The following EGFR variants were observed in gnomAD, a reference collection of about 807,000 sequenced individuals.
The protein encoded by EGFR is avian erythroblastic leukemia viral (v-erb-b) oncogene homolog.
EGFR carries 58 observed loss-of-function variants against 143.0 expected under a neutral mutation model. The observed-to-expected ratio is 0.41, with a 90% CI of 0.33 to 0.50. The LOEUF (loss-of-function observed/expected upper bound fraction) is 0.50. Among genes scored for constraint, EGFR ranks in the 20% least tolerant of loss-of-function variants. The pLI, the probability that EGFR is intolerant of heterozygous loss-of-function variation, is 0.39. For synonymous variants in EGFR, 613 were observed against 594.4 expected (o/e 1.03, Z -0.45); for missense variants, 1,307 against 1,579.0 (o/e 0.83, Z 2.92).
At chr7:55,114,907 A>G (rs1584075936) in intron 1 of EGFR, among the ~76,000 whole-genome samples, 4 of 125,520 alleles carry the variant, frequency 3.2e-5, no homozygotes, top group Admixed American at 8.8e-5. Context: ...TTTGAGATGG[A>G]GTCTCGCCCT....
At chr7:55,022,086 C>T (rs538813565) in intron 1 of EGFR, among the ~76,000 whole-genome samples, 79 of 152,266 alleles carry the variant, frequency 5.2e-4, no homozygotes, top group African/African-American at 1.9e-3. Flanking sequence ...GCGGGCTGTC[C>T]GGCAGTCTGC....
chr7:55,061,649 T>TGTGTGAGAGA (rs1432070752), intron 1 of EGFR, among the ~76,000 whole-genome samples: 11,120 of 132,156 alleles, frequency 0.084, 577 homozygotes, highest in Non-Finnish European at 0.11. Flanking sequence ...TGTGTGTGTG[T>TGTGTGAGAGA]GAGAGAGAGA....
chr7:55,137,123 T>C (rs982532033), intron 1 of EGFR, among the ~76,000 whole-genome samples: 2 of 152,130 alleles, frequency 1.3e-5, no homozygotes, highest in Non-Finnish European at 2.9e-5. Context: ...GTACTTAAGC[T>C]AATGTAGTTG....
At chr7:55,184,094 G>A (rs895852728) in intron 20 of EGFR, among the ~76,000 whole-genome samples, 3 of 152,252 alleles carry the variant, frequency 2.0e-5, no homozygotes, top group Non-Finnish European at 4.4e-5. Flanking sequence ...GTGAACGGGG[G>A]CACGTTGCTG....
At chr7:55,134,152 G>C (rs1794004823) in intron 1 of EGFR, among the ~76,000 whole-genome samples, 1 of 152,100 alleles carries the variant, frequency 6.6e-6, no homozygotes, top group African/African-American at 2.4e-5. Context: ...GCCCACCCCA[G>C]CCACACACAG....
intron 1 of EGFR, among the ~76,000 whole-genome samples, chr7:55,083,964 T>G: frequency 6.6e-6 from 1 of 152,114 alleles, no homozygotes; most frequent in East Asian, 1.9e-4. Flanking sequence ...CAGACCCAAA[T>G]GAATGGAACA....
chr7:55,025,108 C>A (rs1786806114), intron 1 of EGFR, among the ~76,000 whole-genome samples: 2 of 152,212 alleles, frequency 1.3e-5, no homozygotes, highest in Non-Finnish European at 2.9e-5. Flanking sequence ...CTACAGTTCA[C>A]AGAGAGCTCC....
chr7:55,021,011 C>T (rs1455524063), intron 1 of EGFR, among the ~76,000 whole-genome samples: 28 of 152,022 alleles, frequency 1.8e-4, no homozygotes, highest in Admixed American at 1.8e-3. Flanking sequence ...ATCTGTTGGG[C>T]AGCCAGATTT....
At chr7:55,155,373 C>T (rs17336660) in intron 7 of EGFR, among the ~76,000 whole-genome samples, 1,751 of 152,276 alleles carry the variant, frequency 0.011, 36 homozygotes, top group African/African-American at 0.04. Flanking sequence ...ACCCAGGAGG[C>T]GGAGGTTGCA....
In EGFR at chr7:55,200,329, C is replaced by T. The variant is rs397517138; in HGVS notation, c.2862C>T (p.Asp954=). The stretch of plus-strand genomic sequence containing the variant: ...TTCCTTCCCCAGGCTGGATGATAGA[C>T]GCAGATAGTCGCCCAAAGTTCCGTG... The part of the protein sequence containing the change: ...YMIMVKCWMI[D]ADSRPKFREL... Residue 954 remains aspartate (D), a synonymous_variant, in exon 24 of 28, where the codon GAC becomes GAT. Transcript: ENST00000275493. The T allele has an allele frequency of 1.7e-5, 28 of 1,613,986 alleles. No individual in the cohort carries two copies. The highest frequency in any genetic ancestry group is 6.7e-5 in the East Asian group (3 of 44,886).
intron 1 of EGFR, among the ~76,000 whole-genome samples, chr7:55,134,864 A>G (rs764041697): frequency 2.6e-5 from 4 of 152,206 alleles, no homozygotes; most frequent in African/African-American, 4.8e-5. Flanking sequence ...TTTCATGTCC[A>G]TGATCTCAGT....
intron 1 of EGFR, among the ~76,000 whole-genome samples, chr7:55,080,234 G>C (rs200551208): frequency 6.6e-6 from 1 of 152,028 alleles, no homozygotes; most frequent in African/African-American, 2.4e-5. Flanking sequence ...GGCACCATTT[G>C]TTGAAAACAT....
Position 55,177,610 on chromosome 7 carries a change from C to T in EGFR, c.2283+2790C>T, listed in dbSNP as rs746907869. ...AGGAGTTCAAGAGCTAGTGGAATCC[C>T]AATTCATACGGTAGAGCCATTCACA... On this transcript the variant is annotated intron_variant, in intron 19 of 27. Coordinates refer to ENST00000275493, the MANE Select transcript of EGFR (RefSeq NM_005228.5). Among the ~76,000 whole-genome samples, 146 of 152,286 alleles carry T rather than the reference C, an allele frequency of 9.6e-4. 1 individual carries two copies. Among genetic ancestry groups the T allele is most frequent in the Non-Finnish European group, 1.3e-3 (86 of 68,026 alleles).
At chr7:55,070,950 T>G (rs758383092) in intron 1 of EGFR, among the ~76,000 whole-genome samples, 9 of 152,250 alleles carry the variant, frequency 5.9e-5, no homozygotes, top group Admixed American at 3.3e-4. Flanking sequence ...TTTTGCTTTA[T>G]TCCATGGCAA....
intron 1 of EGFR, among the ~76,000 whole-genome samples, chr7:55,070,116 C>T (rs914836667): frequency 1.3e-5 from 2 of 152,186 alleles, no homozygotes; most frequent in African/African-American, 4.8e-5. Context: ...AAAAGGAGAA[C>T]AATGCTATAT....
chr7:55,123,931 G>C (rs1478111814), intron 1 of EGFR, among the ~76,000 whole-genome samples: 2 of 152,194 alleles, frequency 1.3e-5, no homozygotes, highest in Non-Finnish European at 2.9e-5. Flanking sequence ...GTATACGTGT[G>C]TGGGCATGTA....
intron 22 of EGFR, 120 bp downstream of exon 22, chr7:55,192,961 A>C: frequency 1.1e-6 from 1 of 905,424 alleles, no homozygotes; most frequent in East Asian, 2.5e-5. Context: ...ATGACTAATG[A>C]TAATGTAATC....
chr7:55,170,274 C>T (rs2128950351), intron 15 of EGFR: 4 of 1,613,984 alleles, frequency 2.5e-6, no homozygotes, highest in Non-Finnish European at 3.4e-6. Context: ...AGGCCTCTCA[C>T]ATATTGAAAT....
intron 1 of EGFR, among the ~76,000 whole-genome samples, chr7:55,019,622 C>G (rs1786406553): frequency 6.6e-6 from 1 of 152,104 alleles, no homozygotes; most frequent in African/African-American, 2.4e-5. Flanking sequence ...GGGGAACGGC[C>G]GCCGGGACCT....
Sources: gnomAD v4.1 joint callset for allele counts (sites outside exome capture counted in the v4.1 genomes callset) on GRCh38, gnomAD v4.1.1 for gene constraint, MANE v1.5 for transcripts, NCBI Gene and HGNC (gene_info 2026-07-23, HGNC 2026-07-21) for gene names.